The following SOBP variants were observed in gnomAD, a reference collection of about 807,000 sequenced individuals.
SOBP encodes the protein sine oculis binding protein homolog.
Under a neutral mutation model 53.6 loss-of-function variants are expected in SOBP, and 4 were observed. The ratio of observed to expected loss-of-function variants is 0.07; its 90% confidence interval spans 0.04 to 0.17. SOBP has a LOEUF of 0.17. Ranked by LOEUF, SOBP falls within the 10% of genes least tolerant of loss-of-function variation. The probability of loss-of-function intolerance (pLI) is 1.00; values close to 1 mark genes in which losing one functional copy is unlikely to be tolerated. For synonymous variants in SOBP, 584 were observed against 522.6 expected, an observed-to-expected ratio of 1.12 and a Z score of -1.60; for missense variants, 1,088 against 1,204.7, an observed-to-expected ratio of 0.90 and a Z score of 1.43.
intron 4 of SOBP, among the ~76,000 whole-genome samples, chr6:107,581,254 C>T (rs980154245): frequency 2.0e-5 from 3 of 152,122 alleles, no homozygotes; most frequent in African/African-American, 4.8e-5. Context: ...CTGATGGCTT[C>T]CTAAAGGAGC....
chr6:107,635,132 C>A lies in SOBP; in HGVS notation c.2288C>A (p.Pro763Gln). 1.2e-6 allele frequency: 2 copies of A among 1,612,840 alleles called. No individual in the cohort carries two copies. The highest frequency in any genetic ancestry group is 2.7e-5 in the African/African-American group (2 of 75,008). Residue 763 changes from proline (P) to glutamine (Q), a missense_variant, in exon 6 of 7, where the codon CCG becomes CAG. Pro to Gln is a moderately conservative substitution (Grantham distance 76). This residue lies in a region of SOBP where 665 missense variants were observed against 629.7 expected (regional missense o/e 1.06). Coordinates refer to ENST00000317357, the MANE Select transcript of SOBP (RefSeq NM_018013.4). The surrounding 1 kb of genome is among the most constrained non-coding windows in gnomAD (Gnocchi z 4.5). ...AAGAAGCTGCTGTCGCCTGAGGAAC[C>A]GGCGGTGAGCGAGCTAGAGTCGGTC... ...PPKKLLSPEE[P>Q]AVSELESVKE... is the part of the protein sequence containing the mutation.
intron 4 of SOBP, among the ~76,000 whole-genome samples, chr6:107,546,071 C>T (rs1784292840): frequency 6.6e-6 from 1 of 152,132 alleles, no homozygotes; most frequent in African/African-American, 2.4e-5. Flanking sequence ...AAAAATCCGT[C>T]TCAGGAAATT....
In SOBP at chr6:107,634,523, A is replaced by G. The variant is rs1583295133; in HGVS notation, c.1679A>G (p.Glu560Gly). Residue 560 changes from glutamate to glycine, a missense_variant, in exon 6 of 7, where the codon GAG becomes GGG. Coordinates refer to ENST00000317357, the MANE Select transcript of SOBP (RefSeq NM_018013.4). The surrounding 1 kb of genome is among the most constrained non-coding windows in gnomAD (Gnocchi z 4.5). ...KPPNGFSSNG[E>G]NFIPNAPGDS... The stretch of plus-strand genomic sequence containing the variant: ...CCCAACGGGTTCTCCAGCAACGGGG[A>G]GAACTTCATTCCGAACGCCCCTGGC... 1.9e-6 allele frequency: 3 copies of G among 1,610,912 alleles called. No individual in the cohort carries two copies. Among genetic ancestry groups the G allele is most frequent in the East Asian group, 2.2e-5 (1 of 44,804 alleles).
intron 6 of SOBP, among the ~76,000 whole-genome samples, chr6:107,654,760 A>G (rs1771949799): frequency 7.0e-6 from 1 of 141,984 alleles, no homozygotes; most frequent in Admixed American, 7.0e-5. Context: ...AGGAACATGG[A>G]GGAGGAATCA....
intron 1 of SOBP, among the ~76,000 whole-genome samples, chr6:107,503,271 T>C (rs1644104550): frequency 6.6e-6 from 1 of 152,154 alleles, no homozygotes; most frequent in South Asian, 2.1e-4. Flanking sequence ...CCACAAAAGG[T>C]TGTTTTCATT....
At position 107,634,648 on chromosome 6, in the gene SOBP, T is replaced by C. The variant is rs775202084; in HGVS notation, c.1804T>C (p.Ser602Pro). Residue 602 changes from serine (S) to proline (P), a missense_variant, in exon 6 of 7, where the codon TCG (serine) becomes CCG (proline). Transcript: ENST00000317357. This position sits in a 1 kb window ranked among gnomAD's most constrained non-coding sequence, Gnocchi z 4.5. Reference protein sequence around the residue: ...SKSADSPPGCSGQALSLAPTP... With the variant: ...SKSADSPPGCPGQALSLAPTP... ...GTCCGCGGACTCGCCCCCCGGCTGC[T>C]CGGGCCAGGCCCTGAGCCTGGCGCC... 6.4e-7 allele frequency: 1 copy of C among 1,567,420 alleles called. No individual in the cohort carries two copies. Among genetic ancestry groups the C allele is most frequent in the Non-Finnish European group, 8.6e-7 (1 of 1,163,082 alleles).
chr6:107,512,070 A>G (rs1389536050), intron 3 of SOBP, among the ~76,000 whole-genome samples: 1 of 152,202 alleles, frequency 6.6e-6, no homozygotes, highest in Non-Finnish European at 1.5e-5. Flanking sequence ...AGCCATGAAG[A>G]AAACTTATAA....
intron 4 of SOBP, among the ~76,000 whole-genome samples, chr6:107,569,918 G>A (rs1007919262): frequency 6.6e-6 from 1 of 152,108 alleles, no homozygotes; most frequent in Non-Finnish European, 1.5e-5. Flanking sequence ...CTCTCACATT[G>A]TTTTATGCTT....
At chr6:107,606,070 C>CTTTT (rs11298151) in intron 5 of SOBP, among the ~76,000 whole-genome samples, 2 of 62,856 alleles carry the variant, frequency 3.2e-5, no homozygotes, top group Non-Finnish European at 3.1e-5. Flanking sequence ...AGATAGGCTC[C>CTTTT]TTTTTTTTTT....
chr6:107,492,036 A>G (rs1316430970), intron 1 of SOBP, among the ~76,000 whole-genome samples: 2 of 152,214 alleles, frequency 1.3e-5, no homozygotes, highest in Non-Finnish European at 2.9e-5. Flanking sequence ...GGGTTTTATT[A>G]CTGGATAAGG....
intron 5 of SOBP, among the ~76,000 whole-genome samples, chr6:107,618,122 C>T (rs949482706): frequency 2.0e-5 from 3 of 152,116 alleles, no homozygotes; most frequent in African/African-American, 2.4e-5. Flanking sequence ...AGCCACCGTG[C>T]GCGGCCCGTA....
intron 3 of SOBP, among the ~76,000 whole-genome samples, chr6:107,526,543 C>T (rs956074431): frequency 3.6e-4 from 55 of 152,286 alleles, no homozygotes; most frequent in African/African-American, 1.3e-3. Context: ...ACTCAAATGC[C>T]GTGCTCTCTG....
intron 5 of SOBP, among the ~76,000 whole-genome samples, chr6:107,631,785 T>G (rs1770725344): frequency 1.3e-5 from 2 of 152,208 alleles, no homozygotes. Flanking sequence ...TCTCCAAAAT[T>G]TTTTGCAAGA....
intron 5 of SOBP, among the ~76,000 whole-genome samples, chr6:107,607,157 A>G (rs946291858): frequency 6.6e-6 from 1 of 152,160 alleles, no homozygotes; most frequent in Non-Finnish European, 1.5e-5. Flanking sequence ...GCCTGTTGTC[A>G]CACTATAAAT....
chr6:107,553,443 C>G (rs570150366), intron 4 of SOBP, among the ~76,000 whole-genome samples: 1 of 151,684 alleles, frequency 6.6e-6, no homozygotes, highest in Non-Finnish European at 1.5e-5. Context: ...ATTCTCCTGC[C>G]TCAGCGTCCC....
intron 6 of SOBP, among the ~76,000 whole-genome samples, chr6:107,637,604 G>A (rs995612020): frequency 7.9e-5 from 12 of 152,106 alleles, no homozygotes; most frequent in Non-Finnish European, 1.6e-4. Flanking sequence ...AAAAAGTGAC[G>A]GCCTTCAGAA....
intron 4 of SOBP, among the ~76,000 whole-genome samples, chr6:107,569,832 C>G (rs1260587154): frequency 6.6e-6 from 1 of 152,220 alleles, no homozygotes; most frequent in Non-Finnish European, 1.5e-5. Flanking sequence ...AATGCAGCTC[C>G]AGGCCTCGCC....
chr6:107,660,908 A>G lies in SOBP; in HGVS notation c.*2705A>G, dbSNP rs1439071233. 6.6e-6 allele frequency among the ~76,000 whole-genome samples: 1 copy of G among 152,198 alleles called. No individual in the cohort carries two copies. The highest frequency in any genetic ancestry group is 1.5e-5 in the Non-Finnish European group (1 of 68,032). On this transcript the variant is annotated 3_prime_UTR_variant, in exon 7 of 7. Transcript: ENST00000317357. ...TCCGGAGACCTGATTTTCTTCTCCC[A>G]TGGAGCCCGAGAGAATCTTGGAGGC...
rs1166666372 is a variant in SOBP at position 107,528,170 on chromosome 6, G to A, written c.422-5289G>A. Among the ~76,000 whole-genome samples the A allele has an allele frequency of 2.0e-5, 3 of 152,236 alleles. No individual in the cohort carries two copies. In the East Asian group the frequency reaches 5.8e-4, roughly 29 times the overall value. Reference sequence around the variant, plus strand: ...AAATCATTACTTACAAGTATATATTGAGCCTCCTTGCTTTCAGGGAATTGG... The same window carrying A: ...AAATCATTACTTACAAGTATATATTAAGCCTCCTTGCTTTCAGGGAATTGG... On this transcript the variant is annotated intron_variant, in intron 3 of 6. Transcript: ENST00000317357.
Sources: gnomAD v4.1 joint callset for allele counts (sites outside exome capture counted in the v4.1 genomes callset) on GRCh38, gnomAD v4.1.1 for gene constraint, gnomAD v4.1.1 regional missense constraint, Gnocchi (gnomAD v3.1) non-coding constraint, MANE v1.5 for transcripts, NCBI Gene and HGNC (gene_info 2026-07-23, HGNC 2026-07-21) for gene names.